The following OLFM3 variants were observed in gnomAD, a reference collection of about 807,000 sequenced individuals.
OLFM3 encodes noelin-3.
Under a neutral mutation model 48.6 loss-of-function variants are expected in OLFM3, and 20 were observed. The ratio of observed to expected loss-of-function variants is 0.41; its 90% CI spans 0.29 to 0.60. OLFM3 has a LOEUF of 0.60. Among genes scored for constraint, OLFM3 ranks in the 20% least tolerant of loss-of-function variants. The pLI, the probability that OLFM3 is intolerant of heterozygous loss-of-function variation, is 0.28. For synonymous variants in OLFM3, 222 were observed against 198.1 expected, an observed-to-expected ratio of 1.12 and a Z score of -1.01; for missense variants, 437 against 544.3, an observed-to-expected ratio of 0.80 and a Z score of 1.96.
chr1:101,848,457 C>A lies in OLFM3; in HGVS notation c.70-11432G>T, dbSNP rs150881619. Among the ~76,000 whole-genome samples, 139 of 151,632 alleles carry A rather than the reference C, an allele frequency of 9.2e-4. 1 individual carries two copies. Among genetic ancestry groups the A allele is most frequent in the African/African-American group, 3.0e-3 (125 of 41,338 alleles). On this transcript the variant is annotated intron_variant, in intron 1 of 5. Transcript: ENST00000370103. ...AAACAGCTTTAAACTGGGGTGGATG[C>A]TAAAAGACTCCTCAAATCTTCCTTG...
intron 1 of OLFM3, among the ~76,000 whole-genome samples, chr1:101,884,359 G>A (rs1292565276): frequency 6.6e-6 from 1 of 151,938 alleles, no homozygotes; most frequent in Non-Finnish European, 1.5e-5. Flanking sequence ...AACAGGAGAA[G>A]CAACCTCTGT....
intron 4 of OLFM3, among the ~76,000 whole-genome samples, chr1:101,807,069 G>C (rs993885576): frequency 6.6e-6 from 1 of 151,572 alleles, no homozygotes; most frequent in Admixed American, 6.6e-5. Flanking sequence ...CCTTTACCTG[G>C]ATTATATTAG....
At chr1:101,806,715 A>G (rs1042527743) in intron 4 of OLFM3, among the ~76,000 whole-genome samples, 2 of 151,724 alleles carry the variant, frequency 1.3e-5, no homozygotes, top group Admixed American at 6.6e-5. Flanking sequence ...CACAGTCTAT[A>G]AGAAAGAGGT....
At chr1:101,934,198 T>C (rs1659541606) in intron 1 of OLFM3, among the ~76,000 whole-genome samples, 1 of 152,170 alleles carries the variant, frequency 6.6e-6, no homozygotes, top group Non-Finnish European at 1.5e-5. Flanking sequence ...CAAGACCCAA[T>C]GGTCTGCTGT....
At chr1:101,814,546 T>C (rs992060032) in intron 4 of OLFM3, among the ~76,000 whole-genome samples, 12 of 152,174 alleles carry the variant, frequency 7.9e-5, no homozygotes, top group Admixed American at 4.6e-4. Flanking sequence ...TGAGATCTTA[T>C]TGACAAGAGA....
Position 101,902,462 on chromosome 1 carries a change from C to G in OLFM3, c.70-65437G>C, listed in dbSNP as rs533901129. Among the ~76,000 whole-genome samples the G allele has an allele frequency of 4.6e-5, 7 of 151,650 alleles. No individual in the cohort carries two copies. The East Asian group carries it at 1.4e-3, about 29-fold the overall frequency. The stretch of plus-strand genomic sequence containing the variant: ...GAAGAAATTGAGCATGTTTGCCACC[C>G]AAAAGGGAAGGAACTAAGTAGTAGA... On this transcript the variant is annotated intron_variant, in intron 1 of 5. Coordinates refer to ENST00000370103, the MANE Select transcript of OLFM3 (RefSeq NM_058170.4).
chr1:101,828,346 C>T (rs1184605646), intron 3 of OLFM3, among the ~76,000 whole-genome samples: 1 of 152,126 alleles, frequency 6.6e-6, no homozygotes, highest in Non-Finnish European at 1.5e-5. Flanking sequence ...ACTGAAAGTG[C>T]TCAGAACTAT....
At chr1:101,894,726 A>G (rs970118855) in intron 1 of OLFM3, among the ~76,000 whole-genome samples, 2 of 152,178 alleles carry the variant, frequency 1.3e-5, no homozygotes, top group African/African-American at 4.8e-5. Context: ...TTCAAAGTCC[A>G]ATAAAGGGAA....
At chr1:101,965,538 C>T (rs1175302242) in intron 1 of OLFM3, among the ~76,000 whole-genome samples, 2 of 152,112 alleles carry the variant, frequency 1.3e-5, no homozygotes, top group Non-Finnish European at 2.9e-5. Flanking sequence ...CTGGCAGAAA[C>T]GTACAAGCCC....
At chr1:101,820,745 G>GT (rs1557687475) in intron 4 of OLFM3, among the ~76,000 whole-genome samples, 1 of 151,964 alleles carries the variant, frequency 6.6e-6, no homozygotes, top group Non-Finnish European at 1.5e-5. Context: ...GACTAGCTTG[G>GT]TTTTTAGCAT....
At chr1:101,966,915 C>T (rs1446615025) in intron 1 of OLFM3, among the ~76,000 whole-genome samples, 1 of 152,110 alleles carries the variant, frequency 6.6e-6, no homozygotes, top group East Asian at 1.9e-4. Context: ...AAAATAAGTA[C>T]AATGTAAGCT....
intron 1 of OLFM3, among the ~76,000 whole-genome samples, chr1:101,945,137 A>G (rs1238191114): frequency 6.6e-6 from 1 of 152,218 alleles, no homozygotes; most frequent in African/African-American, 2.4e-5. Context: ...CATATACCAT[A>G]TTAGATAGCC....
rs558625362 is a variant in OLFM3 at position 101,889,094 on chromosome 1, C to A, written c.70-52069G>T. ...TCAACCATTGTGGAAGACAGTGTGG[C>A]GATTCCTCAAGGATCTAGAACTAGA... On this transcript the variant is annotated intron_variant, in intron 1 of 5. Coordinates refer to ENST00000370103, the MANE Select transcript of OLFM3 (RefSeq NM_058170.4). Among the ~76,000 whole-genome samples the A allele has an allele frequency of 2.1e-3, 322 of 152,238 alleles. 1 individual carries two copies. Among genetic ancestry groups the A allele is most frequent in the African/African-American group, 7.3e-3 (303 of 41,550 alleles).
intron 1 of OLFM3, among the ~76,000 whole-genome samples, chr1:101,946,134 A>G (rs185148328): frequency 1.3e-5 from 2 of 152,330 alleles, no homozygotes; most frequent in Admixed American, 6.5e-5. Flanking sequence ...TTTGCAGATC[A>G]CTGAGAAATA....
intron 4 of OLFM3, among the ~76,000 whole-genome samples, chr1:101,823,096 G>A (rs527956113): frequency 2.0e-5 from 3 of 152,110 alleles, no homozygotes; most frequent in Middle Eastern, 6.8e-3. Flanking sequence ...TTATTCACCA[G>A]ATATTTATTG....
chr1:101,900,561 G>A lies in OLFM3; in HGVS notation c.70-63536C>T, dbSNP rs930124992. 2.6e-5 allele frequency among the ~76,000 whole-genome samples: 4 copies of A among 152,074 alleles called. No individual in the cohort carries two copies. In the East Asian group the frequency reaches 7.7e-4, roughly 29 times the overall value. On this transcript the variant is annotated intron_variant, in intron 1 of 5. Transcript: ENST00000370103. ...ATAAAGAGAGACAAGCTAATTTAGT[G>A]TAAAGGCAAGAAAGTGTTTGGCCTG...
intron 1 of OLFM3, 26 bp downstream of exon 1, chr1:101,996,722 A>G: frequency 6.2e-7 from 1 of 1,612,256 alleles, no homozygotes; most frequent in South Asian, 1.1e-5. Flanking sequence ...ATTTATTTCA[A>G]ACAAGACTCA....
chr1:101,969,331 G>A (rs1365242111), intron 1 of OLFM3, among the ~76,000 whole-genome samples: 1 of 132,310 alleles, frequency 7.6e-6, no homozygotes, highest in African/African-American at 2.9e-5. Context: ...TTTTTTTTTG[G>A]TATTTTTGTA....
chr1:101,907,076 C>T (rs947412215), intron 1 of OLFM3, among the ~76,000 whole-genome samples: 7 of 152,060 alleles, frequency 4.6e-5, no homozygotes, highest in African/African-American at 1.4e-4. Context: ...AATTGAGCTA[C>T]AAGATAAATG....
Sources: allele counts gnomAD v4.1 joint callset (sites outside exome capture counted in the v4.1 genomes callset), GRCh38; gene constraint gnomAD v4.1.1; transcripts MANE v1.5; gene names NCBI Gene and HGNC (gene_info 2026-07-23, HGNC 2026-07-21).